Variants in XIRP2 observed in about 807,000 individuals in gnomAD.
The protein encoded by XIRP2 is xin actin-binding repeat-containing protein 2.
Under a neutral mutation model 277.0 loss-of-function variants are expected in XIRP2, and 236 were observed. The ratio of observed to expected loss-of-function variants is 0.85; its 90% confidence interval spans 0.77 to 0.95. XIRP2 has a LOEUF of 0.95. Ranked by LOEUF, XIRP2 falls within the 40% of genes least tolerant of loss-of-function variation. The pLI is 0.00. For synonymous variants in XIRP2, 1,490 were observed against 1,416.5 expected (o/e 1.05, Z -1.17); for missense variants, 4,640 against 4,157.5 (o/e 1.12, Z -3.19).
intron 3 of XIRP2, chr2:167,184,759 C>G (rs578013375): frequency 9.5e-6 from 6 of 633,722 alleles, no homozygotes; most frequent in South Asian, 1.9e-5. Flanking sequence ...TCTTCCATGA[C>G]AGCATTGGCC....
intron 2 of XIRP2, among the ~76,000 whole-genome samples, chr2:167,069,795 C>T (rs191397888): frequency 3.3e-5 from 5 of 152,214 alleles, no homozygotes; most frequent in African/African-American, 1.2e-4. Context: ...TTTTTGTCAT[C>T]TTAGCCTTTC....
intron 2 of XIRP2, among the ~76,000 whole-genome samples, chr2:166,938,720 G>A (rs564743779): frequency 5.3e-5 from 8 of 152,128 alleles, no homozygotes; most frequent in Admixed American, 2.0e-4. Flanking sequence ...TTATTATTGT[G>A]TGGGAGTCTA....
rs769676072 is a variant in XIRP2 at position 167,258,289 on chromosome 2, A to G, written c.*472A>G. On this transcript the variant is annotated 3_prime_UTR_variant, in exon 11 of 11. Transcript: ENST00000409195. Reference sequence around the variant, plus strand: ...CTGAATTTAAAAGTGAATCTCTGCTAGAAGATGTTAGAACTCCAGAAAATA... The same window carrying G: ...CTGAATTTAAAAGTGAATCTCTGCTGGAAGATGTTAGAACTCCAGAAAATA... The G allele has an allele frequency of 1.2e-6, 2 of 1,613,342 alleles. No homozygotes were observed.
chr2:167,088,532 T>A (rs1245846434), intron 2 of XIRP2, among the ~76,000 whole-genome samples: 2 of 152,186 alleles, frequency 1.3e-5, no homozygotes, highest in Non-Finnish European at 2.9e-5. Flanking sequence ...TATGAACATA[T>A]CAAGCCCCAG....
At chr2:167,199,034 A>G (rs1483964785) in intron 3 of XIRP2, among the ~76,000 whole-genome samples, 32 of 152,350 alleles carry the variant, frequency 2.1e-4, no homozygotes, top group Middle Eastern at 3.4e-3. Context: ...TTATTCAAAC[A>G]AGAAGTGTGA....
At chr2:167,018,982 C>T (rs1687910457) in intron 2 of XIRP2, among the ~76,000 whole-genome samples, 2 of 151,750 alleles carry the variant, frequency 1.3e-5, no homozygotes, top group South Asian at 2.1e-4. Context: ...GTTATTTCTG[C>T]CTGCCACAGT....
intron 3 of XIRP2, chr2:167,140,729 C>A (rs1371092986): frequency 6.6e-6 from 1 of 152,182 alleles, no homozygotes; most frequent in African/African-American, 2.4e-5. Context: ...TAAAACAATT[C>A]TGTGGTGATG....
chr2:167,215,546 T>G (rs1209614223), intron 4 of XIRP2, among the ~76,000 whole-genome samples: 1 of 152,136 alleles, frequency 6.6e-6, no homozygotes, highest in Non-Finnish European at 1.5e-5. Context: ...GACTACTTAT[T>G]TGGTTAAAGA....
In XIRP2 at chr2:167,249,247, C is replaced by G. The variant is rs757561719; in HGVS notation, c.7855C>G (p.Arg2619Gly). Residue 2619 changes from arginine (R) to glycine (G), a missense_variant, in exon 9 of 11, where the codon CGG becomes GGG. By Grantham distance (125) the Arg-to-Gly change is moderately radical. Coordinates refer to ENST00000409195, the MANE Select transcript of XIRP2 (RefSeq NM_152381.6). ...CAGCCCAGGCTCTCAAAGTAATGCT[C>G]GGATACTAGGAGTGTGTTCTGATAA... Reference protein sequence around the residue: ...QPSPGSQSNARILGVCSDNQL... With the variant: ...QPSPGSQSNAGILGVCSDNQL... 1.5e-5 allele frequency: 25 copies of G among 1,613,524 alleles called. No individual in the cohort carries two copies. Among genetic ancestry groups the G allele is most frequent in the Admixed American group, 3.3e-5 (2 of 59,942 alleles).
chr2:166,909,419 T>C (rs1286189703), intron 2 of XIRP2, among the ~76,000 whole-genome samples: 1 of 152,154 alleles, frequency 6.6e-6, no homozygotes, highest in Non-Finnish European at 1.5e-5. Flanking sequence ...TCTCTGTTTG[T>C]CTGTTATTGG....
rs201464389 is a variant in XIRP2 at position 167,246,642 on chromosome 2, A to G, written c.5250A>G (p.Ile1750Met). The G allele has an allele frequency of 6.8e-6, 11 of 1,613,762 alleles. No individual in the cohort carries two copies. Among genetic ancestry groups the G allele is most frequent in the Non-Finnish European group, 2.5e-6 (3 of 1,179,826 alleles). The change falls in exon 9 of 11, where the codon ATA (isoleucine) becomes ATG (methionine). Residue 1750 changes from isoleucine (I) to methionine (M), a missense_variant. By Grantham distance (10) the Ile-to-Met change is conservative. Coordinates refer to ENST00000409195, the MANE Select transcript of XIRP2 (RefSeq NM_152381.6). ...RGNVQFFTTCIEAGALDYLKQ... is the reference protein window; with the variant it reads ...RGNVQFFTTCMEAGALDYLKQ... ...ATGTTCAGTTTTTCACAACCTGCAT[A>G]GAAGCTGGAGCTTTGGATTATCTGA...
intron 2 of XIRP2, among the ~76,000 whole-genome samples, chr2:167,020,224 C>T (rs1232912392): frequency 6.6e-6 from 1 of 151,884 alleles, no homozygotes; most frequent in Non-Finnish European, 1.5e-5. Flanking sequence ...AAAATCTTCA[C>T]TTTTATCTCA....
chr2:167,134,647 G>A (rs997318571), intron 2 of XIRP2, among the ~76,000 whole-genome samples: 13 of 152,068 alleles, frequency 8.5e-5, no homozygotes, highest in Admixed American at 3.9e-4. Flanking sequence ...ATATAGTACC[G>A]AACCCTACAT....
intron 2 of XIRP2, among the ~76,000 whole-genome samples, chr2:167,075,250 A>T (rs7425359): frequency 0.11 from 16,351 of 152,164 alleles, 914 homozygotes; most frequent in South Asian, 0.18. Flanking sequence ...AAAGCATGAC[A>T]CGGAGAGATA....
intron 9 of XIRP2, among the ~76,000 whole-genome samples, 168 bp from the exon 10 acceptor site, chr2:167,253,864 A>T (rs1259684729): frequency 1.3e-5 from 2 of 151,836 alleles, no homozygotes; most frequent in Non-Finnish European, 2.9e-5. Context: ...AGACCGTTAA[A>T]CCTGATGATA....
intron 2 of XIRP2, among the ~76,000 whole-genome samples, chr2:166,930,519 A>C (rs909866676): frequency 1.3e-5 from 2 of 152,180 alleles, no homozygotes; most frequent in South Asian, 2.1e-4. Context: ...GGTGCTCAAT[A>C]AATTGTTGAA....
chr2:167,213,494 G>C (rs1330408082), intron 4 of XIRP2, among the ~76,000 whole-genome samples: 1 of 152,166 alleles, frequency 6.6e-6, no homozygotes, highest in Admixed American at 6.5e-5. Flanking sequence ...AGATTTAACT[G>C]TTAGGTGTTC....
At chr2:166,939,029 T>A (rs989062963) in intron 2 of XIRP2, among the ~76,000 whole-genome samples, 4 of 152,212 alleles carry the variant, frequency 2.6e-5, no homozygotes, top group African/African-American at 7.2e-5. Flanking sequence ...CACTGATGGA[T>A]CTTGACTCTT....
chr2:166,970,118 T>C (rs1686539651), intron 2 of XIRP2, among the ~76,000 whole-genome samples: 1 of 151,988 alleles, frequency 6.6e-6, no homozygotes, highest in Non-Finnish European at 1.5e-5. Context: ...TTAGAAATAT[T>C]TATTTTGAAG....
Sources: gnomAD v4.1 joint callset for allele counts (sites outside exome capture counted in the v4.1 genomes callset) on GRCh38, gnomAD v4.1.1 for gene constraint, MANE v1.5 for transcripts, NCBI Gene and HGNC (gene_info 2026-07-23, HGNC 2026-07-21) for gene names.